The following PRUNE2 variants were observed in gnomAD, a reference collection of about 807,000 sequenced individuals.
The protein encoded by PRUNE2 is protein prune homolog 2.
PRUNE2 carries 164 observed loss-of-function variants against 252.0 expected under a neutral mutation model. The ratio of observed to expected loss-of-function variants is 0.65; its 90% CI spans 0.57 to 0.74. The LOEUF is 0.74. Among genes scored for constraint, PRUNE2 ranks in the 30% least tolerant of loss-of-function variants. The pLI is 0.00. For missense variants in PRUNE2, 3,495 were observed against 3,711.0 expected (o/e 0.94, Z 1.51); for synonymous variants, 1,292 against 1,350.2 (o/e 0.96, Z 0.94).
In PRUNE2 at chr9:76,635,039, C is replaced by CT. The variant is rs370478970; in HGVS notation, c.9050+1431dup. Among the ~76,000 whole-genome samples, 629 of 152,256 alleles carry CT rather than the reference C, an allele frequency of 4.1e-3. 7 individuals are homozygous for CT. Among genetic ancestry groups the CT allele is most frequent in the African/African-American group, 0.015 (611 of 41,550 alleles). On this transcript the variant is annotated intron_variant, in intron 15 of 18. Transcript: ENST00000376718. ...CCAGGCTGGAGTGCAGTGGTGTGAT[C>CT]TTGCCTCACTGCAACCTCCTCCCAG... is the stretch of plus-strand genomic sequence containing the variant.
intron 6 of PRUNE2, among the ~76,000 whole-genome samples, chr9:76,801,203 T>C (rs145522944): frequency 6.6e-6 from 1 of 152,370 alleles, no homozygotes; most frequent in East Asian, 1.9e-4. Flanking sequence ...AGTATTGCAT[T>C]AGGACTGCTT....
rs1436435328 is a variant in PRUNE2 at position 76,709,343 on chromosome 9, T to C, written c.2931A>G (p.Thr977=). The C allele has an allele frequency of 6.2e-7, 1 of 1,613,936 alleles. No individual in the cohort carries two copies. Among genetic ancestry groups the C allele is most frequent in the South Asian group, 1.1e-5 (1 of 91,080 alleles). Residue 977 remains threonine, a synonymous_variant, in exon 8 of 19, where the codon ACA becomes ACG. Transcript: ENST00000376718. ...YSTSDSYTSP[T]FAGDEKETEH... ...CAGTTTCCTTTTCGTCTCCAGCAAA[T>C]GTTGGTGATGTGTAAGAGTCTGAGG... is the stretch of plus-strand genomic sequence containing the variant.
intron 1 of PRUNE2, 56 bp from the exon 2 acceptor site, chr9:76,854,264 CAT>C: frequency 1.1e-6 from 1 of 907,520 alleles, no homozygotes; most frequent in Non-Finnish European, 1.7e-6. Context: ...TTAATATAAA[CAT>C]ATTTTTAATA....
intron 1 of PRUNE2, among the ~76,000 whole-genome samples, chr9:76,870,445 G>T (rs985534652): frequency 6.6e-6 from 1 of 152,010 alleles, no homozygotes; most frequent in Non-Finnish European, 1.5e-5. Context: ...CAGCACTTTG[G>T]GAGGCCGAGG....
At chr9:76,668,368 C>T (rs936962912) in intron 9 of PRUNE2, among the ~76,000 whole-genome samples, 3 of 152,196 alleles carry the variant, frequency 2.0e-5, no homozygotes, top group Admixed American at 1.3e-4. Context: ...AATCTTCCTT[C>T]CCTACATCAT....
intron 9 of PRUNE2, among the ~76,000 whole-genome samples, chr9:76,697,404 C>G (rs2045490039): frequency 6.6e-6 from 1 of 152,170 alleles, no homozygotes; most frequent in African/African-American, 2.4e-5. Context: ...GCTCTCCCTT[C>G]CCTCTGGCCT....
chr9:76,832,088 T>C (rs555027373), intron 4 of PRUNE2, among the ~76,000 whole-genome samples: 16 of 152,280 alleles, frequency 1.1e-4, no homozygotes, highest in African/African-American at 3.1e-4. Flanking sequence ...TTGTATGCAC[T>C]AATAGCATAG....
Position 76,652,583 on chromosome 9 carries a change from A to T in PRUNE2, c.8457T>A (p.Ile2819=), listed in dbSNP as rs757459235. 10 of 1,612,848 alleles carry T rather than the reference A, an allele frequency of 6.2e-6. No homozygotes were observed. The highest frequency in any genetic ancestry group is 1.6e-4 in the Middle Eastern group (1 of 6,080). Residue 2819 remains isoleucine, a synonymous_variant, in exon 11 of 19, where the codon ATT becomes ATA. Transcript: ENST00000376718. ...GACTGTCCAAGTTATCATCAGAGAG[A>T]ATAGATCCTTCACTTTGGTCCAGAG... ...NLSLDQSEGS[I]LSDDNLDSPD...
chr9:76,638,886 AACAG>A lies in PRUNE2; in HGVS notation c.8729-602_8729-599del, dbSNP rs1841324397. On this transcript the variant is annotated intron_variant, in intron 12 of 18. Transcript: ENST00000376718. ...CGAGGCCTGCAGTGCCCCTGGGATC[AACAG>A]ACAGTGTGAGAACCCATGAAAAGTT... Among the ~76,000 whole-genome samples, 3 of 152,224 alleles carry A rather than the reference AACAG, an allele frequency of 2.0e-5. No homozygotes were observed. The South Asian group carries it at 6.2e-4, about 31-fold the overall frequency.
At chr9:76,884,108 T>G (rs2061949343) in intron 1 of PRUNE2, among the ~76,000 whole-genome samples, 1 of 152,144 alleles carries the variant, frequency 6.6e-6, no homozygotes. Context: ...TTGCCTATTC[T>G]GGTTGGGCCC....
intron 4 of PRUNE2, among the ~76,000 whole-genome samples, chr9:76,841,009 T>C (rs1226791303): frequency 6.7e-6 from 1 of 148,966 alleles, no homozygotes; most frequent in East Asian, 2.0e-4. Flanking sequence ...TGTCCCTAGG[T>C]GGCTGGCAAG....
chr9:76,866,443 G>C (rs150835178), intron 1 of PRUNE2, among the ~76,000 whole-genome samples: 2 of 152,320 alleles, frequency 1.3e-5, no homozygotes, highest in East Asian at 3.9e-4. Context: ...AGTTATTATA[G>C]TGTCTCATTC....
At chr9:76,905,292 C>T (rs1366149756) in intron 1 of PRUNE2, among the ~76,000 whole-genome samples, 4 of 152,202 alleles carry the variant, frequency 2.6e-5, no homozygotes, top group Non-Finnish European at 5.9e-5. Flanking sequence ...CACAGGTCTG[C>T]TCCCGGGAGA....
intron 2 of PRUNE2, among the ~76,000 whole-genome samples, chr9:76,852,294 A>G (rs1344768796): frequency 2.0e-5 from 3 of 152,232 alleles, no homozygotes; most frequent in African/African-American, 7.2e-5. Context: ...TATTTTTCCT[A>G]ATGAATGGAG....
At chr9:76,901,410 C>T (rs1045340573) in intron 1 of PRUNE2, among the ~76,000 whole-genome samples, 4 of 152,208 alleles carry the variant, frequency 2.6e-5, no homozygotes, top group African/African-American at 7.2e-5. Flanking sequence ...TCAGAATAAG[C>T]TCAGCTCCTG....
chr9:76,790,330 T>C (rs1050405096), intron 6 of PRUNE2, among the ~76,000 whole-genome samples: 2 of 152,232 alleles, frequency 1.3e-5, no homozygotes, highest in African/African-American at 4.8e-5. Flanking sequence ...TTTAGTGATA[T>C]GTCAATTATA....
chr9:76,817,853 C>G (rs1423706305), intron 6 of PRUNE2: 1 of 152,042 alleles, frequency 6.6e-6, no homozygotes, highest in African/African-American at 2.4e-5. Context: ...AAGCACTCAC[C>G]ATCATCAACT....
Position 76,638,280 on chromosome 9 carries a change from C to T in PRUNE2, c.8737G>A (p.Gly2913Arg), listed in dbSNP as rs747737613. The change falls in exon 13 of 19, where the codon GGG becomes AGG. Residue 2913 changes from glycine to arginine, a missense_variant. Transcript: ENST00000376718. ...ACAATGATGGCATTTAGACCGTCCC[C>T]ATAGTATCCTGGGGGACAAACAAAA... is the stretch of plus-strand genomic sequence containing the variant. Reference protein sequence around the residue: ...RRVISHGGYYGDGLNAIIVFA... With the variant: ...RRVISHGGYYRDGLNAIIVFA... 1.2e-5 allele frequency: 19 copies of T among 1,612,566 alleles called. No homozygotes were observed. Among genetic ancestry groups the T allele is most frequent in the Non-Finnish European group, 1.7e-6 (2 of 1,178,870 alleles).
chr9:76,692,418 G>C (rs2044867388), intron 9 of PRUNE2: 1 of 432,632 alleles, frequency 2.3e-6, no homozygotes, highest in South Asian at 3.4e-5. Context: ...ATGTGAATGG[G>C]CTCAAAGCAC....
Sources: gnomAD v4.1 joint callset for allele counts (sites outside exome capture counted in the v4.1 genomes callset) on GRCh38, gnomAD v4.1.1 for gene constraint, MANE v1.5 for transcripts, NCBI Gene and HGNC (gene_info 2026-07-23, HGNC 2026-07-21) for gene names.